KIF6: variants seen among roughly 807,000 people sequenced by gnomAD.
KIF6 encodes kinesin family member 6.
KIF6 carries 106 observed loss-of-function variants against 112.7 expected under a neutral mutation model. The observed-to-expected ratio is 0.94, with a 90% CI of 0.80 to 1.11. KIF6 has a LOEUF of 1.11. KIF6 is among the 50% of genes least tolerant of loss of function. The probability of loss-of-function intolerance (pLI) is 0.00; values close to 1 mark genes in which losing one functional copy is unlikely to be tolerated. For missense variants in KIF6, 929 were observed against 964.0 expected, an observed-to-expected ratio of 0.96 and a Z score of 0.48; for synonymous variants, 339 against 339.9, an observed-to-expected ratio of 1.00 and a Z score of 0.03.
chr6:39,414,461 G>T (rs994297742), intron 15 of KIF6, among the ~76,000 whole-genome samples: 1 of 152,200 alleles, frequency 6.6e-6, no homozygotes, highest in African/African-American at 2.4e-5. Flanking sequence ...GCAAACCCAT[G>T]GGGGACCTTT....
intron 13 of KIF6, among the ~76,000 whole-genome samples, chr6:39,520,916 G>T (rs1777360729): frequency 6.6e-6 from 1 of 152,144 alleles, no homozygotes; most frequent in South Asian, 2.1e-4. Flanking sequence ...GGTAAATTCT[G>T]GTTTGGGTTG....
At chr6:39,608,195 A>G (rs927362361) in intron 6 of KIF6, among the ~76,000 whole-genome samples, 3 of 152,348 alleles carry the variant, frequency 2.0e-5, no homozygotes, top group Non-Finnish European at 2.9e-5. Context: ...GCACATCAGC[A>G]TAACTCAGAT....
chr6:39,590,449 A>AT (rs1443033247), intron 7 of KIF6, among the ~76,000 whole-genome samples: 1,056 of 96,386 alleles, frequency 0.011, 15 homozygotes, highest in African/African-American at 0.032. Context: ...ATATATATAT[A>AT]TATTTTTTTT....
intron 3 of KIF6, among the ~76,000 whole-genome samples, chr6:39,653,780 G>T (rs1785607382): frequency 6.6e-6 from 1 of 152,104 alleles, no homozygotes; most frequent in Non-Finnish European, 1.5e-5. Context: ...AGAGGGCTTT[G>T]TGAGGCTGAA....
At chr6:39,392,296 C>A (rs1767957283) in intron 15 of KIF6, among the ~76,000 whole-genome samples, 1 of 152,160 alleles carries the variant, frequency 6.6e-6, no homozygotes, top group East Asian at 1.9e-4. Flanking sequence ...GATAGTTGAA[C>A]AACTGGATTG....
intron 22 of KIF6, among the ~76,000 whole-genome samples, chr6:39,340,382 C>G (rs147647744): frequency 9.9e-5 from 15 of 152,222 alleles, no homozygotes; most frequent in African/African-American, 3.4e-4. Flanking sequence ...TTCCTGAGGC[C>G]GAGAGAACTC....
intron 16 of KIF6, among the ~76,000 whole-genome samples, chr6:39,374,556 A>G (rs1224234702): frequency 6.6e-6 from 1 of 152,222 alleles, no homozygotes; most frequent in African/African-American, 2.4e-5. Flanking sequence ...TATTAAAAAA[A>G]TGGGCAAAGG....
chr6:39,655,489 T>C (rs779054188), intron 3 of KIF6, among the ~76,000 whole-genome samples: 11 of 152,284 alleles, frequency 7.2e-5, no homozygotes, highest in Admixed American at 2.6e-4. Context: ...TCATTTTTTT[T>C]GCATTTCATG....
chr6:39,635,769 T>C (rs1263000272), intron 4 of KIF6, among the ~76,000 whole-genome samples: 1 of 152,100 alleles, frequency 6.6e-6, no homozygotes, highest in East Asian at 1.9e-4. Flanking sequence ...AAGGAATTTT[T>C]TCAACTCTTG....
intron 15 of KIF6, among the ~76,000 whole-genome samples, chr6:39,410,486 T>G (rs1042952758): frequency 4.5e-4 from 68 of 152,100 alleles, no homozygotes; most frequent in African/African-American, 1.6e-3. Context: ...TTGAACAATA[T>G]AAAAAACACT....
At chr6:39,668,572 T>A (rs1163462834) in intron 3 of KIF6, among the ~76,000 whole-genome samples, 1 of 152,190 alleles carries the variant, frequency 6.6e-6, no homozygotes, top group East Asian at 1.9e-4. Flanking sequence ...CTTCGTGTGA[T>A]GAGAAGCTCA....
chr6:39,398,897 A>G (rs1768475947), intron 15 of KIF6, among the ~76,000 whole-genome samples: 1 of 152,186 alleles, frequency 6.6e-6, no homozygotes. Flanking sequence ...TTGCTTTTAG[A>G]TGTGGTTAAT....
At chr6:39,617,101 C>T (rs1445911946) in intron 5 of KIF6, among the ~76,000 whole-genome samples, 1 of 151,874 alleles carries the variant, frequency 6.6e-6, no homozygotes, top group Non-Finnish European at 1.5e-5. Flanking sequence ...GGCCTGTGAA[C>T]AGCTTTCCCT....
At chr6:39,626,834 G>A (rs918943063) in intron 5 of KIF6, among the ~76,000 whole-genome samples, 1 of 152,102 alleles carries the variant, frequency 6.6e-6, no homozygotes, top group Non-Finnish European at 1.5e-5. Context: ...ATCATCCCAG[G>A]TGATTCTTAC....
At chr6:39,673,355 G>A (rs1786951437) in intron 3 of KIF6, among the ~76,000 whole-genome samples, 1 of 152,204 alleles carries the variant, frequency 6.6e-6, no homozygotes, top group Admixed American at 6.5e-5. Flanking sequence ...TCAGATGCTA[G>A]ATAGATGCCC....
intron 16 of KIF6, among the ~76,000 whole-genome samples, chr6:39,385,071 C>T (rs1177363466): frequency 6.6e-6 from 1 of 152,192 alleles, no homozygotes; most frequent in Non-Finnish European, 1.5e-5. Context: ...GCTAACAGCA[C>T]CAAGCTTGGA....
At chr6:39,411,012 C>T (rs1197445737) in intron 15 of KIF6, among the ~76,000 whole-genome samples, 1 of 150,960 alleles carries the variant, frequency 6.6e-6, no homozygotes, top group Non-Finnish European at 1.5e-5. Flanking sequence ...AGCTACTGTC[C>T]TAAAGGCCTA....
At chr6:39,564,114 C>A (rs999810724) in intron 10 of KIF6, among the ~76,000 whole-genome samples, 2 of 152,298 alleles carry the variant, frequency 1.3e-5, no homozygotes, top group South Asian at 4.2e-4. Context: ...CCAACACATG[C>A]TAGTTGACTG....
chr6:39,521,370 A>ATATT (rs1777392458), intron 13 of KIF6, among the ~76,000 whole-genome samples: 1 of 152,190 alleles, frequency 6.6e-6, no homozygotes, highest in Non-Finnish European at 1.5e-5. Context: ...TAGTGAAGAC[A>ATATT]TATTTAGGAA....
Sources: allele counts gnomAD v4.1 joint callset (sites outside exome capture counted in the v4.1 genomes callset), GRCh38; gene constraint gnomAD v4.1.1; transcripts MANE v1.5; gene names NCBI Gene and HGNC (gene_info 2026-07-23, HGNC 2026-07-21).